PCLO: variants seen among roughly 807,000 people sequenced by gnomAD.
PCLO encodes protein piccolo.
PCLO carries 82 observed loss-of-function variants against 427.5 expected under a neutral mutation model. That is an observed-to-expected ratio of 0.19 (90% confidence interval 0.16 to 0.23). The LOEUF (loss-of-function observed/expected upper bound fraction) is 0.23. PCLO is among the 10% of genes least tolerant of loss of function. PCLO has a pLI of 1.00. For missense variants in PCLO, 6,239 were observed against 6,115.9 expected (o/e 1.02, Z -0.67); for synonymous variants, 2,357 against 2,155.4 (o/e 1.09, Z -2.59).
Position 83,155,192 on chromosome 7 carries a change from C to G in PCLO, c.1449G>C (p.Gln483His). The G allele has an allele frequency of 6.2e-7, 1 of 1,609,586 alleles. No homozygotes were observed. Among genetic ancestry groups the G allele is most frequent in the Non-Finnish European group, 8.5e-7 (1 of 1,178,798 alleles). The change falls in exon 2 of 25, where the codon CAG becomes CAC. Residue 483 changes from glutamine (Q) to histidine (H), a missense_variant. Physicochemically the swap from Gln to His is conservative, Grantham distance 24. Transcript: ENST00000333891. ...GAGGTGGGGGCTTTGCTGGGCCAGG[C>G]TGTTGAGGTGGGGGCTTTGCTGGGC... ...LPGPAKPPPQ[Q>H]PGPAKPPPQQ...
intron 2 of PCLO, among the ~76,000 whole-genome samples, chr7:83,148,452 A>T (rs1007187512): frequency 2.0e-5 from 3 of 152,144 alleles, no homozygotes; most frequent in African/African-American, 7.2e-5. Context: ...AACTTTGTTC[A>T]CTCTCATATT....
intron 17 of PCLO, among the ~76,000 whole-genome samples, chr7:82,827,211 T>C (rs950861714): frequency 6.6e-6 from 1 of 152,118 alleles, no homozygotes; most frequent in African/African-American, 2.4e-5. Flanking sequence ...TAAATTGGTT[T>C]ATGTGGGAAC....
At chr7:82,948,288 C>T (rs1157146551) in intron 6 of PCLO, among the ~76,000 whole-genome samples, 1 of 131,068 alleles carries the variant, frequency 7.6e-6, no homozygotes, top group Non-Finnish European at 1.7e-5. Flanking sequence ...GCTTATACTA[C>T]TTTGAGAAAA....
In PCLO at chr7:83,086,226, TC is replaced by T. The variant is rs548622918; in HGVS notation, c.3300+48023del. ...ACCAGACTCAAGCGATTCTCTTGCC[TC>T]AGCCTCTCAAGTAGCTGGGATTATA... On this transcript the variant is annotated intron_variant, in intron 3 of 24. Coordinates refer to ENST00000333891, the MANE Select transcript of PCLO (RefSeq NM_033026.6). Among the ~76,000 whole-genome samples the T allele has an allele frequency of 3.2e-4, 48 of 152,180 alleles. 2 individuals are homozygous for T. In the South Asian group the frequency reaches 9.9e-3, roughly 32 times the overall value.
intron 10 of PCLO, among the ~76,000 whole-genome samples, chr7:82,864,735 T>C (rs976026782): frequency 4.3e-4 from 66 of 152,116 alleles, no homozygotes; most frequent in African/African-American, 1.6e-3. Flanking sequence ...ATGGAGACAC[T>C]AGTGAATGAC....
chr7:82,984,949 A>G (rs1156243040), intron 3 of PCLO, among the ~76,000 whole-genome samples: 2 of 152,062 alleles, frequency 1.3e-5, no homozygotes, highest in Non-Finnish European at 2.9e-5. Flanking sequence ...TCAAGAATGA[A>G]ACTTAAAATA....
At chr7:82,942,572 CTTAAAAACT>C (rs1210509460) in intron 6 of PCLO, among the ~76,000 whole-genome samples, 2 of 152,052 alleles carry the variant, frequency 1.3e-5, no homozygotes, top group Non-Finnish European at 2.9e-5. Context: ...CTGAGATCAA[CTTAAAAACT>C]TTCTGGTTTT....
intron 3 of PCLO, among the ~76,000 whole-genome samples, chr7:83,077,366 C>A (rs966266668): frequency 3.9e-5 from 6 of 152,094 alleles, no homozygotes; most frequent in Non-Finnish European, 8.8e-5. Flanking sequence ...TCATCATAAA[C>A]TCATGAATGC....
chr7:83,051,104 A>G (rs1789243180), intron 3 of PCLO, among the ~76,000 whole-genome samples: 1 of 152,112 alleles, frequency 6.6e-6, no homozygotes, highest in Non-Finnish European at 1.5e-5. Context: ...AACAGCTAAC[A>G]CCATAATTAA....
chr7:82,806,220 A>G (rs1056810843), intron 20 of PCLO, among the ~76,000 whole-genome samples: 2 of 152,174 alleles, frequency 1.3e-5, no homozygotes, highest in Non-Finnish European at 2.9e-5. Context: ...TTGGGTAGAT[A>G]GAAATGGCAA....
At position 82,954,021 on chromosome 7, in the gene PCLO, C is replaced by T. The variant is rs1422000125; in HGVS notation, c.6932G>A (p.Gly2311Glu). Residue 2311 changes from glycine to glutamate, a missense_variant, in exon 5 of 25, where the codon GGA (glycine) becomes GAA (glutamate). This residue lies in a region of PCLO where 4,677 missense variants were observed against 4,468.4 expected (regional missense o/e 1.05). Coordinates refer to ENST00000333891, the MANE Select transcript of PCLO (RefSeq NM_033026.6). ...AGCTTCCAAAACTTCCAGAATGATT[C>T]CATTCCCAGTTTCCTTCTTGGCTTT... ...VKKAKKETGNGIILEVLEAYR... is the reference protein window; with the variant it reads ...VKKAKKETGNEIILEVLEAYR... The T allele has an allele frequency of 6.2e-7, 1 of 1,613,856 alleles. No homozygotes were observed. The highest frequency in any genetic ancestry group is 8.5e-7 in the Non-Finnish European group (1 of 1,179,840).
At chr7:83,083,064 T>TTA (rs1554393679) in intron 3 of PCLO, among the ~76,000 whole-genome samples, 1 of 151,720 alleles carries the variant, frequency 6.6e-6, no homozygotes, top group East Asian at 1.9e-4. Flanking sequence ...ACTATTTTTT[T>TTA]AAAAAATTAC....
chr7:82,759,038 CA>C (rs1238663466), intron 24 of PCLO, among the ~76,000 whole-genome samples: 2 of 151,848 alleles, frequency 1.3e-5, no homozygotes, highest in African/African-American at 4.8e-5. Context: ...GAAAGTTTCA[CA>C]AAATAACTTT....
At position 83,015,537 on chromosome 7, in the gene PCLO, T is replaced by G. The variant is rs1289127025; in HGVS notation, c.3301-49050A>C. 4.6e-5 allele frequency among the ~76,000 whole-genome samples: 7 copies of G among 152,250 alleles called. No homozygotes were observed. In the East Asian group the frequency reaches 1.4e-3, roughly 29 times the overall value. Reference sequence around the variant, plus strand: ...GCATTTGTTTCAAATTAACACACATTTTGATAATAAAAAATTATCAATGAG... The same window carrying G: ...GCATTTGTTTCAAATTAACACACATGTTGATAATAAAAAATTATCAATGAG... On this transcript the variant is annotated intron_variant, in intron 3 of 24. Transcript: ENST00000333891.
intron 3 of PCLO, among the ~76,000 whole-genome samples, chr7:83,012,192 T>G (rs1271167307): frequency 6.6e-6 from 1 of 152,098 alleles, no homozygotes; most frequent in South Asian, 2.1e-4. Flanking sequence ...TTTTCAGAGA[T>G]ATAATAGGAA....
chr7:82,972,281 C>T (rs918281174), intron 3 of PCLO, among the ~76,000 whole-genome samples: 15 of 151,842 alleles, frequency 9.9e-5, no homozygotes, highest in African/African-American at 3.4e-4. Flanking sequence ...AAAATGAAGG[C>T]AATAAAAACC....
chr7:83,030,738 G>C (rs1788645938), intron 3 of PCLO, among the ~76,000 whole-genome samples: 1 of 152,150 alleles, frequency 6.6e-6, no homozygotes, highest in African/African-American at 2.4e-5. Flanking sequence ...GCAATAACCT[G>C]GCAGTGTTGC....
intron 3 of PCLO, among the ~76,000 whole-genome samples, chr7:82,970,271 A>G (rs1245887554): frequency 1.3e-5 from 2 of 152,082 alleles, no homozygotes; most frequent in Non-Finnish European, 2.9e-5. Flanking sequence ...CAAATAAATG[A>G]CACTTATTGC....
chr7:82,976,070 C>A (rs1796011942), intron 3 of PCLO, among the ~76,000 whole-genome samples: 1 of 152,120 alleles, frequency 6.6e-6, no homozygotes, highest in Non-Finnish European at 1.5e-5. Context: ...TGGGATTTGG[C>A]AGGTAGTAGA....
Sources: gnomAD v4.1 joint callset for allele counts (sites outside exome capture counted in the v4.1 genomes callset) on GRCh38, gnomAD v4.1.1 for gene constraint, gnomAD v4.1.1 regional missense constraint, MANE v1.5 for transcripts, NCBI Gene and HGNC (gene_info 2026-07-23, HGNC 2026-07-21) for gene names.